Variants in MRPL39 observed in about 807,000 individuals in gnomAD.
MRPL39 encodes the protein mitochondrial ribosomal protein L39.
A neutral mutation model predicts 44.5 loss-of-function variants in MRPL39; 35 were observed. The ratio of observed to expected loss-of-function variants is 0.79; its 90% confidence interval spans 0.60 to 1.04. The LOEUF (loss-of-function observed/expected upper bound fraction) is 1.04, where lower values mean the gene tolerates loss of function less well. Among genes scored for constraint, MRPL39 ranks in the 50% least tolerant of loss-of-function variants. The pLI is 0.00. For synonymous variants in MRPL39, 139 were observed against 136.1 expected (o/e 1.02, Z -0.15); for missense variants, 433 against 413.5 (o/e 1.05, Z -0.41).
intron 9 of MRPL39, among the ~76,000 whole-genome samples, chr21:25,588,353 A>G (rs774827583): frequency 6.6e-6 from 1 of 152,174 alleles, no homozygotes; most frequent in Non-Finnish European, 1.5e-5. Flanking sequence ...CTACTCATTA[A>G]GTCTAAATGC....
At position 25,603,797 on chromosome 21, in the gene MRPL39, T is replaced by A; in HGVS notation, c.419A>T (p.Lys140Met). The A allele has an allele frequency of 6.2e-7, 1 of 1,605,248 alleles. No individual in the cohort carries two copies. The highest frequency in any genetic ancestry group is 1.1e-5 in the South Asian group (1 of 89,798). Reference sequence around the variant, plus strand: ...AAAAGAATGTAGAGATAGAAATACCTTATTCACTTCTCCTGGATCACAATC... The same window carrying A: ...AAAAGAATGTAGAGATAGAAATACCATATTCACTTCTCCTGGATCACAATC... ...FKDCDPGEVN[K>M]AYWRSCAMMM... The change falls in exon 3 of 10, where the codon AAG becomes ATG. Residue 140 changes from lysine to methionine, a missense_variant and splice_region_variant. Lys to Met is a moderately conservative substitution (Grantham distance 95). Coordinates refer to ENST00000352957, the MANE Select transcript of MRPL39 (RefSeq NM_017446.4).
chr21:25,587,883 T>C (rs2031050598), intron 9 of MRPL39: 4 of 897,466 alleles, frequency 4.5e-6, no homozygotes, highest in Non-Finnish European at 7.3e-6. Context: ...CCAGTGTTTG[T>C]GGCATTGTGG....
chr21:25,599,900 A>T lies in MRPL39; in HGVS notation c.521-34T>A, dbSNP rs773394741. ...CCAACCAAAATAAAAAGCAAAGTCA[A>T]ATCTGCCCCAACAGAAAGTTACTAA... is the stretch of plus-strand genomic sequence containing the variant. On this transcript the variant is annotated intron_variant, in intron 4 of 9. Transcript: ENST00000352957. 38 of 1,529,566 alleles carry T rather than the reference A, an allele frequency of 2.5e-5. No homozygotes were observed. The East Asian group carries it at 8.6e-4, about 34-fold the overall frequency. The allele number at this position is 1,529,566 out of a possible 1,614,324, so 94.7% of individuals were successfully genotyped here. A position where few individuals can be genotyped will look rare whatever the true frequency, so the allele number is the denominator to read the frequency against.
chr21:25,601,868 T>C (rs1405212626), intron 3 of MRPL39, among the ~76,000 whole-genome samples: 4 of 152,246 alleles, frequency 2.6e-5, no homozygotes, highest in Non-Finnish European at 5.9e-5. Flanking sequence ...AAAACTCAAC[T>C]TTTATGAATT....
At chr21:25,589,430 T>TTG (rs1365007151) in intron 8 of MRPL39, among the ~76,000 whole-genome samples, 1 of 151,828 alleles carries the variant, frequency 6.6e-6, no homozygotes, top group Non-Finnish European at 1.5e-5. Flanking sequence ...AATTTTTTTT[T>TTG]TTTTTGAAAT....
At chr21:25,601,619 C>G in intron 3 of MRPL39, 152 bp from the exon 4 acceptor site, 1 of 404,850 alleles carries the variant, frequency 2.5e-6, no homozygotes, top group South Asian at 6.7e-5. Context: ...GCCATCAGGC[C>G]ATGACGTTAC....
At chr21:25,604,554 C>T (rs1284531148) in intron 2 of MRPL39, among the ~76,000 whole-genome samples, 12 of 152,148 alleles carry the variant, frequency 7.9e-5, no homozygotes, top group Non-Finnish European at 1.5e-5. Flanking sequence ...ATTTCCATGA[C>T]ATAGATGCTT....
chr21:25,592,920 T>C lies in MRPL39; in HGVS notation c.813A>G (p.Arg271=), dbSNP rs769623710. 15 of 1,613,444 alleles carry C rather than the reference T, an allele frequency of 9.3e-6. No homozygotes were observed. The South Asian group carries it at 1.5e-4, about 17-fold the overall frequency. Reference sequence around the variant, plus strand: ...CTTCATACTGGAAACAAATACTTGTTCTTGGAATAAGAGGGCCCTCACTCA... The same window carrying C: ...CTTCATACTGGAAACAAATACTTGTCCTTGGAATAAGAGGGCCCTCACTCA... ...IDVSEGPLIP[R]TSICFQYEVS... The change falls in exon 8 of 10, where the codon AGA becomes AGG. Residue 271 remains arginine, a synonymous_variant. Transcript: ENST00000352957.
intron 2 of MRPL39, among the ~76,000 whole-genome samples, chr21:25,604,483 A>T (rs924940552): frequency 6.6e-6 from 1 of 152,188 alleles, no homozygotes; most frequent in Non-Finnish European, 1.5e-5. Context: ...AAATATATTA[A>T]TACACACCTA....
chr21:25,607,400 C>A lies in MRPL39; in HGVS notation c.73+3G>T. ...CCCTGTCCCTACGGCCTCTGAAACT[C>A]ACTCCATTTGATCCCGCCACCGGGT... On this transcript the variant is annotated splice_donor_region_variant and intron_variant, in intron 1 of 9. Coordinates refer to ENST00000352957, the MANE Select transcript of MRPL39 (RefSeq NM_017446.4). 1 of 1,613,820 alleles carries A rather than the reference C, an allele frequency of 6.2e-7. No homozygotes were observed. The highest frequency in any genetic ancestry group is 8.5e-7 in the Non-Finnish European group (1 of 1,179,958).
rs1440859599 is a variant in MRPL39 at position 25,593,742 on chromosome 21, A to AT, written c.767+150dup. 19 of 520,670 alleles carry AT rather than the reference A, an allele frequency of 3.6e-5. No homozygotes were observed. The Admixed American group carries it at 5.6e-4, about 15-fold the overall frequency. The allele number at this position is 520,670 out of a possible 1,614,324, so 32.3% of individuals were successfully genotyped here. Reference sequence around the variant, plus strand: ...TAATTTAAAGCTTCCATTTACCACCATAACAAAACAATGAACGAAGCAACC... The same window carrying AT: ...TAATTTAAAGCTTCCATTTACCACCATTAACAAAACAATGAACGAAGCAACC... On this transcript the variant is annotated intron_variant, in intron 7 of 9. Transcript: ENST00000352957.
upstream of MRPL39, chr21:25,607,588 T>G: frequency 9.4e-7 from 1 of 1,063,636 alleles, no homozygotes; most frequent in Non-Finnish European, 1.3e-6. Flanking sequence ...GCACTCAGAC[T>G]GCTCGCCTCC....
At chr21:25,597,274 C>G (rs747027963) in intron 6 of MRPL39, 28 bp downstream of exon 6, 2 of 1,406,688 alleles carry the variant, frequency 1.4e-6, no homozygotes, top group East Asian at 2.3e-5. Flanking sequence ...GGAGAGTTAG[C>G]CTTGATTTAA....
intron 5 of MRPL39, among the ~76,000 whole-genome samples, chr21:25,598,037 CTAA>C (rs2031411766): frequency 6.6e-6 from 1 of 151,942 alleles, no homozygotes. Context: ...TAAATCATTA[CTAA>C]TAACACAGAA....
At position 25,593,973 on chromosome 21, in the gene MRPL39, A is replaced by T. The variant is rs1324169798; in HGVS notation, c.702-15T>A. 1 of 1,608,748 alleles carries T rather than the reference A, an allele frequency of 6.2e-7. No homozygotes were observed. Among genetic ancestry groups the T allele is most frequent in the Non-Finnish European group, 8.5e-7 (1 of 1,177,194 alleles). On this transcript the variant is annotated splice_polypyrimidine_tract_variant and intron_variant, in intron 6 of 9. Transcript: ENST00000352957. Reference sequence around the variant, plus strand: ...CTACTTTGTACCTGAAAAGCAGCAAAGAAAAAAACATTTTTTTAACTCAAA... The same window carrying T: ...CTACTTTGTACCTGAAAAGCAGCAATGAAAAAAACATTTTTTTAACTCAAA...
intron 5 of MRPL39, among the ~76,000 whole-genome samples, chr21:25,599,133 G>A (rs757927923): frequency 3.3e-5 from 5 of 152,174 alleles, no homozygotes; most frequent in Admixed American, 6.5e-5. Context: ...CTTACCTACT[G>A]AGCACCTGAT....
At chr21:25,601,493 A>AAT in intron 3 of MRPL39, 26 bp from the exon 4 acceptor site, 1 of 1,403,268 alleles carries the variant, frequency 7.1e-7, no homozygotes, top group Non-Finnish European at 9.8e-7. Context: ...ACATATATAA[A>AAT]ATATATATAA....
chr21:25,600,452 A>G (rs2031488819), intron 4 of MRPL39, among the ~76,000 whole-genome samples: 1 of 151,728 alleles, frequency 6.6e-6, no homozygotes, highest in Non-Finnish European at 1.5e-5. Context: ...AAGTAGATAA[A>G]TAACTTAATG....
intron 4 of MRPL39, 86 bp from the exon 5 acceptor site, chr21:25,599,952 TA>T: frequency 1.0e-6 from 1 of 995,512 alleles, no homozygotes. Flanking sequence ...ATTTAGACCA[TA>T]AAAAGGATTA....
Sources: gnomAD v4.1 joint callset for allele counts (sites outside exome capture counted in the v4.1 genomes callset) on GRCh38, gnomAD v4.1.1 for gene constraint, MANE v1.5 for transcripts, NCBI Gene and HGNC (gene_info 2026-07-23, HGNC 2026-07-21) for gene names.